NTNG1: variants seen among roughly 807,000 people sequenced by gnomAD.
NTNG1 encodes netrin G1.
In NTNG1, 16 loss-of-function variants were observed where a neutral mutation model predicts 54.0. The observed-to-expected ratio is 0.30, with a 90% CI of 0.20 to 0.45. The LOEUF (loss-of-function observed/expected upper bound fraction) is 0.45. NTNG1 is among the 20% of genes least tolerant of loss of function. The probability of loss-of-function intolerance (pLI) is 1.00; values close to 1 mark genes in which losing one functional copy is unlikely to be tolerated. For missense variants in NTNG1, 530 were observed against 678.7 expected (o/e 0.78, Z 2.43); for synonymous variants, 255 against 263.1 (o/e 0.97, Z 0.30).
At chr1:107,149,911 T>G (rs1045604923) in intron 2 of NTNG1, among the ~76,000 whole-genome samples, 4 of 152,174 alleles carry the variant, frequency 2.6e-5, no homozygotes, top group Non-Finnish European at 5.9e-5. Flanking sequence ...ATTTTCAGGA[T>G]AGTGAAACTA....
intron 2 of NTNG1, among the ~76,000 whole-genome samples, chr1:107,245,553 A>G (rs568409950): frequency 5.6e-4 from 85 of 152,264 alleles, no homozygotes; most frequent in African/African-American, 2.0e-3. Context: ...ATTTCTTTTT[A>G]TTCATATTTA....
chr1:107,249,343 G>T (rs1021799306), intron 2 of NTNG1, among the ~76,000 whole-genome samples: 1 of 151,602 alleles, frequency 6.6e-6, no homozygotes, highest in South Asian at 2.1e-4. Context: ...TTAGCTGGGC[G>T]TAGTGGCGCA....
chr1:107,294,040 G>A (rs749664813), intron 2 of NTNG1, among the ~76,000 whole-genome samples: 11 of 152,202 alleles, frequency 7.2e-5, no homozygotes, highest in Non-Finnish European at 1.6e-4. Context: ...GTAGCCAGGA[G>A]CTGGACAACC....
At chr1:107,197,003 C>G (rs1394643929) in intron 2 of NTNG1, among the ~76,000 whole-genome samples, 1 of 151,786 alleles carries the variant, frequency 6.6e-6, no homozygotes, top group Non-Finnish European at 1.5e-5. Flanking sequence ...AAATACAGGA[C>G]AACCAGTTAA....
chr1:107,183,189 G>A (rs1489223663), intron 2 of NTNG1, among the ~76,000 whole-genome samples: 1 of 152,074 alleles, frequency 6.6e-6, no homozygotes, highest in Non-Finnish European at 1.5e-5. Flanking sequence ...CTTAACTGCT[G>A]TTTATTCTTG....
At chr1:107,206,040 T>C (rs569832213) in intron 2 of NTNG1, among the ~76,000 whole-genome samples, 1 of 152,274 alleles carries the variant, frequency 6.6e-6, no homozygotes, top group East Asian at 1.9e-4. Context: ...ATGAAGATTT[T>C]CATAGTTTCC....
intron 2 of NTNG1, among the ~76,000 whole-genome samples, chr1:107,223,767 T>G: frequency 6.6e-6 from 1 of 152,162 alleles, no homozygotes; most frequent in East Asian, 1.9e-4. Context: ...CCTTTTCTTT[T>G]AAGGTCAGAA....
At chr1:107,258,809 GA>G (rs774824794) in intron 2 of NTNG1, among the ~76,000 whole-genome samples, 2 of 152,172 alleles carry the variant, frequency 1.3e-5, no homozygotes, top group African/African-American at 2.4e-5. Context: ...CAATCTTGAG[GA>G]ACAGACTTTG....
intron 2 of NTNG1, among the ~76,000 whole-genome samples, chr1:107,264,098 A>G (rs1570531962): frequency 1.3e-5 from 2 of 152,132 alleles, no homozygotes; most frequent in East Asian, 3.9e-4. Context: ...ATTTGATTAA[A>G]CAGATCCATG....
chr1:107,156,377 A>G (rs1167416532), intron 2 of NTNG1, among the ~76,000 whole-genome samples: 2 of 152,148 alleles, frequency 1.3e-5, no homozygotes, highest in African/African-American at 2.4e-5. Flanking sequence ...GAGGTTTGGT[A>G]TGTGAGGAAA....
chr1:107,370,527 G>A (rs1303826302), intron 3 of NTNG1, among the ~76,000 whole-genome samples: 10 of 151,044 alleles, frequency 6.6e-5, no homozygotes, highest in Non-Finnish European at 1.0e-4. Flanking sequence ...ACTTTCCACC[G>A]AGTCCCCAAA....
chr1:107,284,531 T>C (rs1038372135), intron 2 of NTNG1, among the ~76,000 whole-genome samples: 2 of 152,094 alleles, frequency 1.3e-5, no homozygotes, highest in East Asian at 3.8e-4. Flanking sequence ...TAATAATTGA[T>C]TCACTTCATG....
chr1:107,141,916 T>C (rs1653757184), intron 1 of NTNG1, among the ~76,000 whole-genome samples: 1 of 152,224 alleles, frequency 6.6e-6, no homozygotes. Flanking sequence ...ACACTTGCCC[T>C]ATTGCCGGCC....
chr1:107,297,124 C>CATAT (rs36147726), intron 2 of NTNG1, among the ~76,000 whole-genome samples: 1 of 140,690 alleles, frequency 7.1e-6, no homozygotes, highest in Admixed American at 7.2e-5. Context: ...CAAACACACA[C>CATAT]ATATATATAT....
intron 2 of NTNG1, among the ~76,000 whole-genome samples, chr1:107,193,707 T>C (rs950499183): frequency 6.6e-6 from 1 of 151,990 alleles, no homozygotes; most frequent in African/African-American, 2.4e-5. Context: ...TGCCACCGTC[T>C]TAGTTCAAAC....
intron 2 of NTNG1, among the ~76,000 whole-genome samples, chr1:107,291,240 G>A (rs1335354725): frequency 2.0e-5 from 3 of 151,818 alleles, no homozygotes; most frequent in Non-Finnish European, 4.4e-5. Flanking sequence ...TCTTCTTTAT[G>A]ATTTTCTTAA....
intron 2 of NTNG1, among the ~76,000 whole-genome samples, chr1:107,243,711 G>A (rs1661994741): frequency 6.6e-6 from 1 of 152,026 alleles, no homozygotes; most frequent in African/African-American, 2.4e-5. Flanking sequence ...TGCCACCACA[G>A]CTGGCTTCTT....
chr1:107,224,932 T>C (rs1183021417), intron 2 of NTNG1, among the ~76,000 whole-genome samples: 1 of 152,128 alleles, frequency 6.6e-6, no homozygotes, highest in Non-Finnish European at 1.5e-5. Context: ...TTCTCAACTG[T>C]TGTATAAAAG....
chr1:107,205,111 TAATTCACACTCAACCTCCAAA>T (rs1442374578), intron 2 of NTNG1, among the ~76,000 whole-genome samples: 6 of 152,162 alleles, frequency 3.9e-5, no homozygotes, highest in Admixed American at 1.3e-4. Context: ...CACTCTCATT[TAATTCACACTCAACCTCCAAA>T]AATTCACACT....
Sources: gnomAD v4.1 joint callset for allele counts (sites outside exome capture counted in the v4.1 genomes callset) on GRCh38, gnomAD v4.1.1 for gene constraint, MANE v1.5 for transcripts, NCBI Gene and HGNC (gene_info 2026-07-23, HGNC 2026-07-21) for gene names.